The following CPSF3 variants were observed in gnomAD, a reference collection of about 807,000 sequenced individuals.
The protein encoded by CPSF3 is cleavage and polyadenylation specific factor 3.
Under a neutral mutation model 84.1 loss-of-function variants are expected in CPSF3, and 57 were observed. That is an observed-to-expected ratio of 0.68 (90% CI 0.55 to 0.85). The LOEUF is 0.85. CPSF3 is among the 40% of genes least tolerant of loss of function. The pLI is 0.00. For synonymous variants in CPSF3, 275 were observed against 278.1 expected (o/e 0.99, Z 0.11); for missense variants, 522 against 838.8 (o/e 0.62, Z 4.66).
chr2:9,429,397 A>G (rs1680498983), intron 2 of CPSF3, among the ~76,000 whole-genome samples: 1 of 152,252 alleles, frequency 6.6e-6, no homozygotes, highest in Admixed American at 6.5e-5. Context: ...AAGAACATGT[A>G]TAGGTCAGAC....
chr2:9,428,608 T>C (rs1680472345), intron 1 of CPSF3, among the ~76,000 whole-genome samples, 157 bp from the exon 2 acceptor site: 1 of 152,218 alleles, frequency 6.6e-6, no homozygotes, highest in Admixed American at 6.5e-5. Context: ...TTCTTCCCTG[T>C]CTTTGTGATT....
intron 11 of CPSF3, among the ~76,000 whole-genome samples, chr2:9,448,710 C>G (rs1041002578): frequency 6.6e-6 from 1 of 152,166 alleles, no homozygotes; most frequent in East Asian, 1.9e-4. Context: ...GTGCGCGCCA[C>G]CACGCCCAGC....
chr2:9,465,615 A>G (rs900230476), intron 15 of CPSF3, among the ~76,000 whole-genome samples: 2 of 152,170 alleles, frequency 1.3e-5, no homozygotes, highest in East Asian at 3.9e-4. Flanking sequence ...TTGGTTATGT[A>G]TATTTATTAT....
At chr2:9,449,552 G>A (rs1303307670) in intron 11 of CPSF3, among the ~76,000 whole-genome samples, 2 of 152,058 alleles carry the variant, frequency 1.3e-5, no homozygotes, top group Non-Finnish European at 2.9e-5. Context: ...GACCAGGCTC[G>A]GCAACGTGGT....
intron 8 of CPSF3, among the ~76,000 whole-genome samples, chr2:9,441,364 G>A (rs1305102196): frequency 6.6e-6 from 1 of 152,206 alleles, no homozygotes; most frequent in Non-Finnish European, 1.5e-5. Context: ...AAGGATTGTA[G>A]ACAAGTTCTC....
chr2:9,466,198 A>ACACACACACGCG (rs1183069109), intron 15 of CPSF3, among the ~76,000 whole-genome samples: 1 of 133,126 alleles, frequency 7.5e-6, no homozygotes, highest in Non-Finnish European at 1.5e-5. Flanking sequence ...ACACGCGCTC[A>ACACACACACGCG]CACACACACG....
chr2:9,448,451 TTCTGTC>T, intron 11 of CPSF3, 101 bp downstream of exon 11: 1 of 991,344 alleles, frequency 1.0e-6, no homozygotes, highest in Non-Finnish European at 1.5e-6. Context: ...ATATGCTTAT[TTCTGTC>T]TACTTGTTAC....
At chr2:9,459,028 C>T (rs934754666) in intron 14 of CPSF3, among the ~76,000 whole-genome samples, 3 of 151,840 alleles carry the variant, frequency 2.0e-5, no homozygotes, top group African/African-American at 7.3e-5. Flanking sequence ...AGCAGAATTA[C>T]TTGAACCTGG....
chr2:9,433,240 T>G (rs1031394184), intron 5 of CPSF3, among the ~76,000 whole-genome samples: 1 of 152,220 alleles, frequency 6.6e-6, no homozygotes, highest in African/African-American at 2.4e-5. Context: ...CTTAGGGAGC[T>G]GCTGAAAATA....
At chr2:9,455,076 C>A (rs555844858) in intron 12 of CPSF3, among the ~76,000 whole-genome samples, 1 of 151,544 alleles carries the variant, frequency 6.6e-6, no homozygotes. Flanking sequence ...AGGCAGATGA[C>A]AGCTGGCATA....
chr2:9,465,593 TAA>T (rs1295250017), intron 15 of CPSF3, among the ~76,000 whole-genome samples: 1 of 151,534 alleles, frequency 6.6e-6, no homozygotes, highest in Non-Finnish European at 1.5e-5. Context: ...AAAAAATATA[TAA>T]AAGAGGAAAT....
chr2:9,432,716 C>T (rs746786393), intron 5 of CPSF3, 28 bp downstream of exon 5: 3 of 1,477,650 alleles, frequency 2.0e-6, no homozygotes, highest in Non-Finnish European at 2.7e-6. Flanking sequence ...CGCTTTTCTC[C>T]CCAGAGAAAT....
intron 10 of CPSF3, among the ~76,000 whole-genome samples, chr2:9,446,451 G>A (rs927621171): frequency 1.3e-5 from 2 of 152,032 alleles, no homozygotes; most frequent in Non-Finnish European, 2.9e-5. Flanking sequence ...TGTGGTGGCA[G>A]GTGCCTGTAG....
chr2:9,430,851 A>G lies in CPSF3; in HGVS notation c.312A>G (p.Arg104=). ...FMTHATKAIY[R]WLLSDYVKVS... ...CTCATGCCACAAAAGCTATTTATAGATGGCTTCTTTCTGATTATGTCAAAG... is the reference window on the plus strand; with the variant it reads ...CTCATGCCACAAAAGCTATTTATAGGTGGCTTCTTTCTGATTATGTCAAAG... Residue 104 remains arginine, a synonymous_variant, in exon 4 of 18, where the codon AGA becomes AGG. Coordinates refer to ENST00000238112, the MANE Select transcript of CPSF3 (RefSeq NM_016207.4). 1 of 1,613,144 alleles carries G rather than the reference A, an allele frequency of 6.2e-7. No homozygotes were observed. Among genetic ancestry groups the G allele is most frequent in the Middle Eastern group, 1.7e-4 (1 of 6,054 alleles).
chr2:9,440,002 A>G (rs1251907710), intron 7 of CPSF3, among the ~76,000 whole-genome samples: 1 of 150,394 alleles, frequency 6.6e-6, no homozygotes, highest in African/African-American at 2.5e-5. Context: ...CAATAATAGC[A>G]TAATATGACT....
intron 2 of CPSF3, 109 bp from the exon 3 acceptor site, chr2:9,429,814 G>T: frequency 1.5e-6 from 1 of 679,450 alleles, no homozygotes; most frequent in African/African-American, 1.9e-5. Context: ...CTAGTGCCTG[G>T]AGTCCATCTT....
intron 1 of CPSF3, 69 bp downstream of exon 1, chr2:9,423,892 G>T (rs141409726): frequency 6.8e-5 from 108 of 1,581,076 alleles, no homozygotes; most frequent in Non-Finnish European, 8.9e-5. Flanking sequence ...CCGGAGACTG[G>T]CCTCCTCCGT....
intron 7 of CPSF3, 87 bp downstream of exon 7, chr2:9,436,448 C>T (rs1006949697): frequency 1.3e-5 from 17 of 1,355,996 alleles, no homozygotes; most frequent in Non-Finnish European, 1.6e-5. Context: ...AGTCATTCCA[C>T]CGTTCTGGAC....
intron 15 of CPSF3, among the ~76,000 whole-genome samples, chr2:9,460,159 T>C (rs984641333): frequency 1.3e-5 from 2 of 152,134 alleles, no homozygotes; most frequent in African/African-American, 4.8e-5. Context: ...ATAAAATCCT[T>C]TTAGAAACAG....
Sources: allele counts gnomAD v4.1 joint callset (sites outside exome capture counted in the v4.1 genomes callset), GRCh38; gene constraint gnomAD v4.1.1; transcripts MANE v1.5; gene names NCBI Gene and HGNC (gene_info 2026-07-23, HGNC 2026-07-21).